GFPT2: variants seen among roughly 807,000 people sequenced by gnomAD.
The protein encoded by GFPT2 is glutamine--fructose-6-phosphate transaminase 2.
In GFPT2, 62 loss-of-function variants were observed where a neutral mutation model predicts 85.6. The ratio of observed to expected loss-of-function variants is 0.72; its 90% CI spans 0.59 to 0.90. The LOEUF (loss-of-function observed/expected upper bound fraction) is 0.90, where lower values mean the gene tolerates loss of function less well. GFPT2 is among the 40% of genes least tolerant of loss of function. The probability of loss-of-function intolerance (pLI) is 0.00; values close to 1 mark genes in which losing one functional copy is unlikely to be tolerated. For synonymous variants in GFPT2, 368 were observed against 344.5 expected (o/e 1.07, Z -0.75); for missense variants, 788 against 893.4 (o/e 0.88, Z 1.50).
At chr5:180,315,223 G>C (rs893105264) in intron 13 of GFPT2, among the ~76,000 whole-genome samples, 1 of 151,672 alleles carries the variant, frequency 6.6e-6, no homozygotes, top group Admixed American at 6.6e-5. Context: ...TGTCGCCCAG[G>C]CTGGAGTGCA....
chr5:180,319,943 A>C (rs1764086719), intron 9 of GFPT2, among the ~76,000 whole-genome samples: 1 of 152,130 alleles, frequency 6.6e-6, no homozygotes, highest in South Asian at 2.1e-4. Context: ...AGGAGCCCTA[A>C]AAGTAGTCTA....
In GFPT2 at chr5:180,339,359, A is replaced by G. The variant is rs185681930; in HGVS notation, c.8-759T>C. Among the ~76,000 whole-genome samples the G allele has an allele frequency of 4.1e-3, 593 of 144,120 alleles. 20 individuals are homozygous for G. In the South Asian group the frequency reaches 0.09, roughly 22 times the overall value. The allele number at this position is 144,120 out of a possible 152,430, so 94.5% of individuals were successfully genotyped here. ...CGTGCCACAGCACTCCAGCCTGGCG[A>G]CAGAGCTAGACTCTGTCTCAAAAAA... On this transcript the variant is annotated intron_variant, in intron 1 of 18. Transcript: ENST00000253778.
In GFPT2 at chr5:180,324,909, G is replaced by T; in HGVS notation, c.597-14C>A. The T allele has an allele frequency of 6.4e-7, 1 of 1,562,072 alleles. No individual in the cohort carries two copies. The highest frequency in any genetic ancestry group is 8.8e-7 in the Non-Finnish European group (1 of 1,132,958). ...GGGCTGCCTCTCCTGTAGGGAGAAA[G>T]AGGCATCCCATTACCCATTGCCTTT... is the stretch of plus-strand genomic sequence containing the variant. On this transcript the variant is annotated splice_polypyrimidine_tract_variant and intron_variant, in intron 7 of 18. Coordinates refer to ENST00000253778, the MANE Select transcript of GFPT2 (RefSeq NM_005110.4).
chr5:180,312,440 T>A lies in GFPT2; in HGVS notation c.1536A>T (p.Arg512Ser). ...AATTCTAGAACATACCAGGTAAAGATCTCAAGCCACGGATGATCTCTTGCC... is the reference window on the plus strand; with the variant it reads ...AATTCTAGAACATACCAGGTAAAGAACTCAAGCCACGGATGATCTCTTGCC... The part of the protein sequence containing the change: ...NRRQEIIRGL[R>S]SLPELIKEVL... Residue 512 changes from arginine to serine, a missense_variant, in exon 15 of 19, where the codon AGA (arginine) becomes AGT (serine). Arg to Ser is a moderately radical substitution (Grantham distance 110, BLOSUM62 -1). Transcript: ENST00000253778. 6.3e-7 allele frequency: 1 copy of A among 1,575,168 alleles called. No individual in the cohort carries two copies. Among genetic ancestry groups the A allele is most frequent in the Non-Finnish European group, 8.7e-7 (1 of 1,144,414 alleles).
intron 9 of GFPT2, among the ~76,000 whole-genome samples, chr5:180,319,394 C>T (rs1158796879): frequency 1.3e-5 from 2 of 152,192 alleles, no homozygotes; most frequent in Non-Finnish European, 2.9e-5. Flanking sequence ...CGAGAACCAA[C>T]ACATTATTCT....
At chr5:180,352,154 T>TTCCCTTCTGCC (rs1217289109) in intron 1 of GFPT2, among the ~76,000 whole-genome samples, 1 of 151,942 alleles carries the variant, frequency 6.6e-6, no homozygotes, top group African/African-American at 2.4e-5. Context: ...CCGTAGGTCG[T>TTCCCTTCTGCC]TCCCTTCTGC....
Position 180,350,964 on chromosome 5 carries a change from C to T in GFPT2, c.7+2247G>A, listed in dbSNP as rs79636309. ...CCGAGGCCTGCTCAGACGCCAGGTG[C>T]GCACAGACTTCGCAGGGCCTCAGCT... is the stretch of plus-strand genomic sequence containing the variant. On this transcript the variant is annotated intron_variant, in intron 1 of 18. Coordinates refer to ENST00000253778, the MANE Select transcript of GFPT2 (RefSeq NM_005110.4). Among the ~76,000 whole-genome samples the T allele has an allele frequency of 0.015, 2,286 of 152,332 alleles. 127 individuals carry two copies. The East Asian group carries it at 0.2, about 13-fold the overall frequency.
intron 1 of GFPT2, among the ~76,000 whole-genome samples, chr5:180,339,527 TC>T (rs998121612): frequency 3.5e-4 from 54 of 152,344 alleles, no homozygotes; most frequent in African/African-American, 1.3e-3. Flanking sequence ...TATTCATATT[TC>T]AAGATAATTT....
chr5:180,309,263 T>C (rs1160293114), intron 15 of GFPT2, among the ~76,000 whole-genome samples: 1 of 152,118 alleles, frequency 6.6e-6, no homozygotes, highest in Non-Finnish European at 1.5e-5. Context: ...GAGCTTAAAG[T>C]TTATCATTGG....
chr5:180,352,961 CCTCA>C (rs1340770970), intron 1 of GFPT2: 1 of 416,152 alleles, frequency 2.4e-6, no homozygotes, highest in Admixed American at 4.6e-5. Flanking sequence ...CCTCGGTCCC[CCTCA>C]CTGTGTCCGA....
chr5:180,304,724 T>G, intron 17 of GFPT2, 48 bp downstream of exon 17: 1 of 1,533,068 alleles, frequency 6.5e-7, no homozygotes, highest in Non-Finnish European at 9.0e-7. Context: ...TGGGCATGCA[T>G]GGGGAAAAGC....
Position 180,307,969 on chromosome 5 carries a change from G to T in GFPT2, c.1547-666C>A, listed in dbSNP as rs192397811. Among the ~76,000 whole-genome samples, 483 of 151,862 alleles carry T rather than the reference G, an allele frequency of 3.2e-3. 3 individuals carry two copies. Among genetic ancestry groups the T allele is most frequent in the African/African-American group, 0.011 (460 of 41,436 alleles). On this transcript the variant is annotated intron_variant, in intron 15 of 18. Transcript: ENST00000253778. Reference sequence around the variant, plus strand: ...CTACTAAAAATACAAAAAATTAGCCGGGCGTGGTTGGGTGCGGTGGCTCAC... The same window carrying T: ...CTACTAAAAATACAAAAAATTAGCCTGGCGTGGTTGGGTGCGGTGGCTCAC...
At chr5:180,304,677 G>A in intron 17 of GFPT2, 95 bp downstream of exon 17, 1 of 1,166,644 alleles carries the variant, frequency 8.6e-7, no homozygotes, top group Non-Finnish European at 1.3e-6. Context: ...TCACTGGCCA[G>A]ACCATCCATC....
At chr5:180,305,605 G>A (rs1362426829) in intron 16 of GFPT2, among the ~76,000 whole-genome samples, 13 of 152,134 alleles carry the variant, frequency 8.5e-5, no homozygotes, top group Admixed American at 6.5e-5. Flanking sequence ...CTGCAGTGCC[G>A]GCCTCCCAGT....
At chr5:180,314,669 C>T (rs768133772) in intron 13 of GFPT2, among the ~76,000 whole-genome samples, 2 of 152,176 alleles carry the variant, frequency 1.3e-5, no homozygotes, top group Non-Finnish European at 2.9e-5. Context: ...AGGCAGGTGC[C>T]GCCCGGTGCT....
intron 9 of GFPT2, among the ~76,000 whole-genome samples, chr5:180,320,206 A>G (rs1311785908): frequency 6.6e-6 from 1 of 151,746 alleles, no homozygotes; most frequent in Non-Finnish European, 1.5e-5. Context: ...GTTAGCCAGG[A>G]TGGTCTCGAT....
chr5:180,344,226 G>C (rs1764568760), intron 1 of GFPT2, among the ~76,000 whole-genome samples: 1 of 152,222 alleles, frequency 6.6e-6, no homozygotes, highest in Non-Finnish European at 1.5e-5. Flanking sequence ...GCAAGGGCTG[G>C]GGGAGGAGCA....
rs1004515935 is a variant in GFPT2, at chr5:180,318,182, A to T, written c.958+611T>A. 1.3e-5 allele frequency among the ~76,000 whole-genome samples: 2 copies of T among 152,052 alleles called. No individual in the cohort carries two copies. The highest frequency in any genetic ancestry group is 4.8e-5 in the African/African-American group (2 of 41,402). ...GAATGCAGGGGCTGTGGCGGGGCAC[A>T]GTGGGACAGAGGGTTGAGTGTGGTG... On this transcript the variant is annotated intron_variant, in intron 10 of 18. Coordinates refer to ENST00000253778, the MANE Select transcript of GFPT2 (RefSeq NM_005110.4). This position sits in a 1 kb window ranked among gnomAD's most constrained non-coding sequence, Gnocchi z 4.2.
At chr5:180,348,121 C>A (rs141000491) in intron 1 of GFPT2, among the ~76,000 whole-genome samples, 2,344 of 152,272 alleles carry the variant, frequency 0.015, 40 homozygotes, top group Admixed American at 0.031. Flanking sequence ...GTTGCTTCTC[C>A]GAACTGAAGG....
Sources: gnomAD v4.1 joint callset for allele counts (sites outside exome capture counted in the v4.1 genomes callset) on GRCh38, gnomAD v4.1.1 for gene constraint, Gnocchi (gnomAD v3.1) non-coding constraint, MANE v1.5 for transcripts, NCBI Gene and HGNC (gene_info 2026-07-23, HGNC 2026-07-21) for gene names.